The following NEBL variants were observed in gnomAD, a reference collection of about 807,000 sequenced individuals.
NEBL encodes LIM and SH3 protein 2.
Under a neutral mutation model 140.2 loss-of-function variants are expected in NEBL, and 122 were observed. That is an observed-to-expected ratio of 0.87 (90% CI 0.75 to 1.01). The LOEUF (loss-of-function observed/expected upper bound fraction) is 1.01. Ranked by LOEUF, NEBL falls within the 50% of genes least tolerant of loss-of-function variation. The pLI is 0.00. For missense variants in NEBL, 1,365 were observed against 1,231.3 expected (o/e 1.11, Z -1.62); for synonymous variants, 436 against 398.9 (o/e 1.09, Z -1.11).
At chr10:21,229,489 G>GCA (rs780858670) in intron 3 of NEBL, among the ~76,000 whole-genome samples, 10 of 152,160 alleles carry the variant, frequency 6.6e-5, no homozygotes, top group Non-Finnish European at 1.0e-4. Context: ...TAAAAAGGCA[G>GCA]CATGAATTAG....
intron 4 of NEBL, among the ~76,000 whole-genome samples, chr10:20,923,106 T>C (rs770554543): frequency 2.6e-5 from 4 of 152,254 alleles, no homozygotes; most frequent in Middle Eastern, 3.4e-3. Flanking sequence ...TCTCGCTCTG[T>C]CACCCAGGCT....
At position 21,180,144 on chromosome 10, in the gene NEBL, A is replaced by AAG. The variant is rs577832126; in HGVS notation, n.349-7668_349-7667insCT. Among the ~76,000 whole-genome samples the AAG allele has an allele frequency of 2.8e-3, 432 of 152,194 alleles. 2 individuals are homozygous for AAG. Among genetic ancestry groups the AAG allele is most frequent in the African/African-American group, 0.01 (417 of 41,520 alleles). ...AGAGTGAGACTCGGTCTCAGAAAAA[A>AAG]AAAAAGAAAAAAGAAAAGGCAAGGA... is the stretch of plus-strand genomic sequence containing the variant. On this transcript the variant is annotated intron_variant and non_coding_transcript_variant, in intron 3 of 8. Transcript: ENST00000675702.
intron 4 of NEBL, among the ~76,000 whole-genome samples, chr10:20,929,847 A>G (rs1196946903): frequency 6.6e-6 from 1 of 152,190 alleles, no homozygotes; most frequent in Non-Finnish European, 1.5e-5. Context: ...CAGTTACACT[A>G]AAAGCCCGGA....
rs185491610 is a variant in NEBL, at chr10:21,231,011, C to T, written n.348+16910G>A. ...AAATTCTGCTTTACTGTATGTCTTC[C>T]GTCCAAATGAAGCACGATCCATGGA... On this transcript the variant is annotated intron_variant and non_coding_transcript_variant, in intron 3 of 8. Transcript: ENST00000675702. Among the ~76,000 whole-genome samples the T allele has an allele frequency of 2.8e-3, 427 of 152,232 alleles. 1 individual carries two copies. Among genetic ancestry groups the T allele is most frequent in the African/African-American group, 9.0e-3 (372 of 41,542 alleles).
intron 4 of NEBL, among the ~76,000 whole-genome samples, chr10:20,937,376 G>C (rs927901727): frequency 6.6e-6 from 1 of 152,136 alleles, no homozygotes. Context: ...TCCCATGAGA[G>C]ATGTAGGAGA....
chr10:21,046,161 C>T (rs1051547035), intron 2 of NEBL, among the ~76,000 whole-genome samples: 1 of 152,076 alleles, frequency 6.6e-6, no homozygotes, highest in Non-Finnish European at 1.5e-5. Context: ...TCTCACTCAT[C>T]CATGAAATCT....
At chr10:21,055,284 G>C (rs1026659371) in intron 2 of NEBL, among the ~76,000 whole-genome samples, 38 of 152,166 alleles carry the variant, frequency 2.5e-4, no homozygotes, top group Non-Finnish European at 5.9e-5. Flanking sequence ...TTAAGTACTG[G>C]GAAGAATTCT....
intron 2 of NEBL, among the ~76,000 whole-genome samples, chr10:21,162,745 C>G (rs191975644): frequency 6.6e-4 from 101 of 152,194 alleles, no homozygotes; most frequent in Non-Finnish European, 1.3e-3. Flanking sequence ...ATAATTGAGG[C>G]ATAAAAAGTA....
intron 4 of NEBL, among the ~76,000 whole-genome samples, chr10:20,915,572 A>G (rs1160068677): frequency 1.3e-5 from 2 of 151,718 alleles, no homozygotes; most frequent in African/African-American, 4.8e-5. Context: ...ATGTCCCTAC[A>G]AAGGACATGA....
chr10:20,870,094 AGGT>A (rs1220382821), intron 5 of NEBL, among the ~76,000 whole-genome samples: 4 of 152,024 alleles, frequency 2.6e-5, no homozygotes, highest in Non-Finnish European at 5.9e-5. Context: ...TGGGAGGCCT[AGGT>A]GGGCGGATCA....
At chr10:21,198,042 G>T (rs942231258) in intron 3 of NEBL, among the ~76,000 whole-genome samples, 49 of 151,894 alleles carry the variant, frequency 3.2e-4, no homozygotes, top group African/African-American at 1.2e-3. Context: ...TGCAAACCCT[G>T]CTGTCTCGGT....
rs550311880 is a variant in NEBL at position 21,230,554 on chromosome 10, G to C, written n.348+17367C>G. Among the ~76,000 whole-genome samples the C allele has an allele frequency of 1.5e-4, 22 of 151,608 alleles. 2 individuals are homozygous for C. The highest frequency in any genetic ancestry group is 5.1e-4 in the African/African-American group (21 of 41,362). On this transcript the variant is annotated intron_variant and non_coding_transcript_variant, in intron 3 of 8. Coordinates refer to the NEBL transcript ENST00000675702. ...TTCCCTTTTGTTTTGAGAGAAAATG[G>C]AGGAACTCTACTTGAATTTTAAGCT...
intron 11 of NEBL, among the ~76,000 whole-genome samples, chr10:20,845,862 T>G (rs1343467259): frequency 6.6e-6 from 1 of 152,178 alleles, no homozygotes; most frequent in Non-Finnish European, 1.5e-5. Context: ...TAATGATGCC[T>G]GAGGGTTAGG....
chr10:20,923,666 CAAAAAAAAAAAAAA>C (rs71390799), intron 4 of NEBL, among the ~76,000 whole-genome samples: 10 of 28,368 alleles, frequency 3.5e-4, no homozygotes, highest in Admixed American at 1.3e-3. Context: ...GACTCCGTCT[CAAAAAAAAAAAAAA>C]AAAAAAAAAA....
chr10:20,909,365 T>A (rs929463488), intron 4 of NEBL, among the ~76,000 whole-genome samples: 2 of 152,108 alleles, frequency 1.3e-5, no homozygotes, highest in Non-Finnish European at 2.9e-5. Flanking sequence ...TTCTTTTGAT[T>A]TTTAGATTCT....
At chr10:21,043,428 T>C (rs1834357736) in intron 2 of NEBL, among the ~76,000 whole-genome samples, 2 of 152,178 alleles carry the variant, frequency 1.3e-5, no homozygotes, top group East Asian at 1.9e-4. Flanking sequence ...GATAATTAGC[T>C]CTTTTCCTTG....
chr10:20,818,311 T>C (rs905259623), intron 20 of NEBL, among the ~76,000 whole-genome samples: 20 of 32,250 alleles, frequency 6.2e-4, no homozygotes, highest in Non-Finnish European at 8.1e-4. Flanking sequence ...GTGGGGGGGC[T>C]GGGGGTGGGA....
At position 21,173,454 on chromosome 10, in the gene NEBL, C is replaced by T. The variant is rs1409760911; in HGVS notation, c.69+311G>A. ...GGGGCGCGGCTCGCCGAAGTGCCCC[C>T]CTGGGTGCCCAGCCTGGTCCCTCCG... On this transcript the variant is annotated intron_variant, in intron 1 of 6. Coordinates refer to the NEBL transcript ENST00000417816. This position sits in a 1 kb window ranked among gnomAD's most constrained non-coding sequence, Gnocchi z 5.7. 2.0e-5 allele frequency among the ~76,000 whole-genome samples: 3 copies of T among 152,048 alleles called. No individual in the cohort carries two copies. Among genetic ancestry groups the T allele is most frequent in the Non-Finnish European group, 2.9e-5 (2 of 68,006 alleles).
chr10:21,187,468 C>T (rs1841494645), intron 3 of NEBL, among the ~76,000 whole-genome samples: 1 of 151,474 alleles, frequency 6.6e-6, no homozygotes, highest in African/African-American at 2.4e-5. Context: ...CAAATCTTGG[C>T]TTTTTGAATT....
Sources: allele counts gnomAD v4.1 joint callset (sites outside exome capture counted in the v4.1 genomes callset), GRCh38; gene constraint gnomAD v4.1.1; non-coding constraint Gnocchi (gnomAD v3.1); transcripts MANE v1.5; gene names NCBI Gene and HGNC (gene_info 2026-07-23, HGNC 2026-07-21).